Variants in ITGA9 observed in about 807,000 individuals in gnomAD.
ITGA9 encodes the protein integrin alpha-9.
ITGA9 carries 56 observed loss-of-function variants against 127.8 expected under a neutral mutation model. That is an observed-to-expected ratio of 0.44 (90% CI 0.35 to 0.55). The LOEUF is 0.55. Among genes scored for constraint, ITGA9 ranks in the 20% least tolerant of loss-of-function variants. The probability of loss-of-function intolerance (pLI) is 0.00; values close to 1 mark genes in which losing one functional copy is unlikely to be tolerated. For missense variants in ITGA9, 1,196 were observed against 1,347.1 expected (o/e 0.89, Z 1.76); for synonymous variants, 508 against 514.5 (o/e 0.99, Z 0.17).
chr3:37,490,478 A>T (rs1296462411), intron 4 of ITGA9, among the ~76,000 whole-genome samples: 1 of 152,216 alleles, frequency 6.6e-6, no homozygotes, highest in Non-Finnish European at 1.5e-5. Flanking sequence ...TGTAAAATTG[A>T]TGTGTTAAAA....
At chr3:37,673,516 C>A (rs1325914832) in intron 17 of ITGA9, among the ~76,000 whole-genome samples, 1 of 152,200 alleles carries the variant, frequency 6.6e-6, no homozygotes, top group Admixed American at 6.5e-5. Flanking sequence ...TTCTCCTCCA[C>A]CGTCTTAGCT....
intron 15 of ITGA9, among the ~76,000 whole-genome samples, chr3:37,566,417 G>GA (rs1699547666): frequency 6.6e-6 from 1 of 152,204 alleles, no homozygotes; most frequent in Non-Finnish European, 1.5e-5. Context: ...CTACTCTATG[G>GA]AAAGATTCAG....
chr3:37,665,998 C>T (rs924150895), intron 17 of ITGA9, among the ~76,000 whole-genome samples: 18 of 152,142 alleles, frequency 1.2e-4, no homozygotes, highest in African/African-American at 3.9e-4. Context: ...CACAATGCTA[C>T]GGTGTTCATT....
At chr3:37,549,567 T>G (rs189911503) in intron 15 of ITGA9, among the ~76,000 whole-genome samples, 175 of 152,380 alleles carry the variant, frequency 1.1e-3, no homozygotes, top group African/African-American at 4.0e-3. Flanking sequence ...ATACTGTTGA[T>G]GCCCTTTTAA....
At chr3:37,772,698 C>T (rs577762957) in intron 23 of ITGA9, among the ~76,000 whole-genome samples, 1 of 152,268 alleles carries the variant, frequency 6.6e-6, no homozygotes, top group East Asian at 1.9e-4. Context: ...TTATGTAGCA[C>T]CAGGCAACCT....
chr3:37,743,419 G>A (rs977707479), intron 21 of ITGA9, among the ~76,000 whole-genome samples: 4 of 152,122 alleles, frequency 2.6e-5, no homozygotes, highest in African/African-American at 9.7e-5. Flanking sequence ...GAAATCCAAG[G>A]GAAAATGCTA....
chr3:37,656,125 A>G (rs552799395), intron 17 of ITGA9, among the ~76,000 whole-genome samples: 181 of 152,216 alleles, frequency 1.2e-3, no homozygotes, highest in African/African-American at 4.3e-3. Flanking sequence ...GTCAGGTAGC[A>G]TGATGCCTCC....
chr3:37,471,269 G>A, intron 2 of ITGA9, 135 bp downstream of exon 2: 2 of 1,012,788 alleles, frequency 2.0e-6, no homozygotes, highest in South Asian at 2.6e-5. Context: ...TCTCCAACAA[G>A]CATGTATTGA....
intron 15 of ITGA9, among the ~76,000 whole-genome samples, chr3:37,590,147 A>G (rs1699801012): frequency 6.6e-6 from 1 of 152,188 alleles, no homozygotes; most frequent in South Asian, 2.1e-4. Context: ...TTGGGAGTTC[A>G]GGACACAGGC....
intron 18 of ITGA9, among the ~76,000 whole-genome samples, chr3:37,704,591 A>C (rs1700983740): frequency 6.6e-6 from 1 of 152,160 alleles, no homozygotes. Context: ...GTCTGCACAC[A>C]CTGTCTCCAA....
chr3:37,817,238 C>T (rs1000647426), intron 27 of ITGA9, among the ~76,000 whole-genome samples: 2 of 152,200 alleles, frequency 1.3e-5, no homozygotes, highest in African/African-American at 4.8e-5. Context: ...TATGTGCATG[C>T]ACTGTTGGCA....
At chr3:37,468,950 A>G (rs748619596) in intron 1 of ITGA9, among the ~76,000 whole-genome samples, 70 of 152,360 alleles carry the variant, frequency 4.6e-4, no homozygotes, top group Middle Eastern at 3.4e-3. Context: ...TCATTGTCCA[A>G]GACCTTTTCC....
chr3:37,504,695 C>T (rs1698822570), intron 6 of ITGA9, among the ~76,000 whole-genome samples: 1 of 152,162 alleles, frequency 6.6e-6, no homozygotes, highest in South Asian at 2.1e-4. Context: ...TCTTTGTATA[C>T]ACATTAGAGG....
intron 22 of ITGA9, 23 bp downstream of exon 22, chr3:37,744,057 T>G: frequency 2.0e-6 from 3 of 1,495,358 alleles, no homozygotes; most frequent in Non-Finnish European, 2.8e-6. Flanking sequence ...GGAGACCTCC[T>G]CTGTCCGTGG....
chr3:37,774,357 A>G (rs116737066), intron 23 of ITGA9, among the ~76,000 whole-genome samples: 7 of 152,164 alleles, frequency 4.6e-5, no homozygotes, highest in African/African-American at 1.7e-4. Context: ...GTTGATTGAG[A>G]TCATTTCAGG....
intron 8 of ITGA9, among the ~76,000 whole-genome samples, chr3:37,509,930 A>T (rs1197386685): frequency 6.6e-6 from 1 of 152,186 alleles, no homozygotes; most frequent in Non-Finnish European, 1.5e-5. Context: ...TCTTCTGCAG[A>T]AGATAACAAA....
chr3:37,458,499 T>G (rs1698283701), intron 1 of ITGA9, among the ~76,000 whole-genome samples: 1 of 152,210 alleles, frequency 6.6e-6, no homozygotes, highest in Admixed American at 6.5e-5. Flanking sequence ...GGGTCAGGTA[T>G]TGGCTGGAGC....
rs777737020 is a variant in ITGA9, at chr3:37,526,061, G to A, written c.1363G>A (p.Val455Ile). 1.5e-5 allele frequency: 24 copies of A among 1,613,928 alleles called. No homozygotes were observed. The highest frequency in any genetic ancestry group is 1.9e-5 in the Non-Finnish European group (23 of 1,179,960). ...TVGAFMSDSV[V>I]LLRARPVITV... The stretch of plus-strand genomic sequence containing the variant: ...TGGAGCCTTCATGTCCGACAGCGTG[G>A]TTCTTCTCAGGTGAGAGGCCCCACT... The change falls in exon 13 of 28, where the codon GTT (valine) becomes ATT (isoleucine). Residue 455 changes from valine (V) to isoleucine (I), a missense_variant. Val to Ile is a conservative substitution (Grantham distance 29). Transcript: ENST00000264741.
intron 18 of ITGA9, among the ~76,000 whole-genome samples, chr3:37,700,952 C>G (rs1015410316): frequency 1.3e-5 from 2 of 152,180 alleles, no homozygotes; most frequent in African/African-American, 4.8e-5. Context: ...AGAAATGCTT[C>G]CCCCACCTGG....
Sources: gnomAD v4.1 joint callset for allele counts (sites outside exome capture counted in the v4.1 genomes callset) on GRCh38, gnomAD v4.1.1 for gene constraint, MANE v1.5 for transcripts, NCBI Gene and HGNC (gene_info 2026-07-23, HGNC 2026-07-21) for gene names.